RALGAPA1: variants seen among roughly 807,000 people sequenced by gnomAD.
RALGAPA1 encodes the protein Ral GTPase activating protein catalytic subunit alpha 1.
In RALGAPA1, 52 loss-of-function variants were observed where a neutral mutation model predicts 269.6. The observed-to-expected ratio is 0.19, with a 90% confidence interval of 0.15 to 0.24. The LOEUF is 0.24. RALGAPA1 is among the 10% of genes least tolerant of loss of function. The probability of loss-of-function intolerance (pLI) is 1.00; values close to 1 mark genes in which losing one functional copy is unlikely to be tolerated. For missense variants in RALGAPA1, 1,917 were observed against 3,013.9 expected, an observed-to-expected ratio of 0.64 and a Z score of 8.52; for synonymous variants, 817 against 1,008.3, an observed-to-expected ratio of 0.81 and a Z score of 3.60.
At chr14:35,623,206 GA>G (rs1417341868) in intron 35 of RALGAPA1, among the ~76,000 whole-genome samples, 4 of 151,632 alleles carry the variant, frequency 2.6e-5, no homozygotes, top group African/African-American at 9.7e-5. Context: ...AAAATTGAGA[GA>G]AATGATACAT....
intron 37 of RALGAPA1, among the ~76,000 whole-genome samples, chr14:35,573,509 G>A (rs1409781945): frequency 6.6e-6 from 1 of 152,118 alleles, no homozygotes; most frequent in Non-Finnish European, 1.5e-5. Flanking sequence ...CAGGTGGAAA[G>A]GTTTAGAAGA....
chr14:35,659,823 A>G (rs1045325779), intron 27 of RALGAPA1, among the ~76,000 whole-genome samples: 1 of 152,150 alleles, frequency 6.6e-6, no homozygotes, highest in African/African-American at 2.4e-5. Context: ...ATGGTTCAAC[A>G]TATAGAAAGC....
At chr14:35,696,904 A>T (rs2140543685) in intron 17 of RALGAPA1, among the ~76,000 whole-genome samples, 1 of 152,284 alleles carries the variant, frequency 6.6e-6, no homozygotes, top group East Asian at 1.9e-4. Flanking sequence ...TTTCTTATTA[A>T]TTCTCTGCAC....
At chr14:35,789,836 C>G (rs1387473959) in intron 1 of RALGAPA1, among the ~76,000 whole-genome samples, 1 of 152,174 alleles carries the variant, frequency 6.6e-6, no homozygotes, top group Non-Finnish European at 1.5e-5. Context: ...CCACAAAACA[C>G]CAGGGCTTGA....
At chr14:35,567,248 T>A (rs545275912) in intron 39 of RALGAPA1, among the ~76,000 whole-genome samples, 9 of 152,180 alleles carry the variant, frequency 5.9e-5, no homozygotes, top group Admixed American at 2.0e-4. Context: ...AAAAACATGA[T>A]GAAGTAGGCC....
At chr14:35,584,276 T>G (rs2058133665) in intron 37 of RALGAPA1, among the ~76,000 whole-genome samples, 1 of 152,136 alleles carries the variant, frequency 6.6e-6, no homozygotes, top group South Asian at 2.1e-4. Flanking sequence ...AGAATAATTT[T>G]TTTTTTGAGA....
chr14:35,599,725 C>T (rs546245836), intron 36 of RALGAPA1, among the ~76,000 whole-genome samples: 9 of 152,242 alleles, frequency 5.9e-5, no homozygotes, highest in South Asian at 4.1e-4. Flanking sequence ...GCACTCCAGC[C>T]TGAATGACAG....
intron 1 of RALGAPA1, 47 bp from the exon 2 acceptor site, chr14:35,775,792 C>T (rs1248621076): frequency 7.0e-7 from 1 of 1,434,450 alleles, no homozygotes; most frequent in Non-Finnish European, 9.2e-7. Flanking sequence ...TATGTTAAAT[C>T]AAGTTTAGCA....
intron 31 of RALGAPA1, among the ~76,000 whole-genome samples, chr14:35,646,210 G>A (rs555839919): frequency 6.6e-6 from 1 of 152,256 alleles, no homozygotes; most frequent in East Asian, 1.9e-4. Flanking sequence ...TTAATGATTA[G>A]CAAAACCAGT....
At chr14:35,605,304 C>T (rs1217334941) in intron 36 of RALGAPA1, among the ~76,000 whole-genome samples, 4 of 152,110 alleles carry the variant, frequency 2.6e-5, no homozygotes, top group Non-Finnish European at 5.9e-5. Context: ...TTGAAGACCA[C>T]CAGTCCAGTG....
chr14:35,554,582 G>A (rs2055399106), intron 39 of RALGAPA1, among the ~76,000 whole-genome samples: 1 of 151,612 alleles, frequency 6.6e-6, no homozygotes, highest in African/African-American at 2.4e-5. Flanking sequence ...TCCTGACCTC[G>A]TGATCCGCCC....
intron 16 of RALGAPA1, among the ~76,000 whole-genome samples, chr14:35,714,474 T>A (rs1303789342): frequency 6.6e-6 from 1 of 152,192 alleles, no homozygotes; most frequent in African/African-American, 2.4e-5. Context: ...TTTAATTGGG[T>A]TGTCTTTTTA....
chr14:35,588,592 A>G (rs1368861682), intron 37 of RALGAPA1, among the ~76,000 whole-genome samples: 1 of 152,218 alleles, frequency 6.6e-6, no homozygotes, highest in Non-Finnish European at 1.5e-5. Flanking sequence ...GACTATTATC[A>G]AAAAGACAAA....
At chr14:35,642,588 A>G (rs2062098667) in intron 31 of RALGAPA1, among the ~76,000 whole-genome samples, 1 of 152,188 alleles carries the variant, frequency 6.6e-6, no homozygotes, top group Admixed American at 6.5e-5. Flanking sequence ...ACTAAATACA[A>G]TGAGATATCA....
At chr14:35,592,055 T>C (rs1390446875) in intron 37 of RALGAPA1, among the ~76,000 whole-genome samples, 1 of 152,216 alleles carries the variant, frequency 6.6e-6, no homozygotes, top group Non-Finnish European at 1.5e-5. Context: ...TTACACCTCT[T>C]TTGTTTATAA....
chr14:35,672,842 A>C, intron 25 of RALGAPA1, 25 bp downstream of exon 25: 1 of 1,475,750 alleles, frequency 6.8e-7, no homozygotes, highest in South Asian at 1.4e-5. Flanking sequence ...ACTACTTCTT[A>C]GATGATACAT....
intron 35 of RALGAPA1, among the ~76,000 whole-genome samples, chr14:35,623,334 G>A (rs767030572): frequency 6.7e-5 from 10 of 149,516 alleles, no homozygotes; most frequent in Admixed American, 2.0e-4. Flanking sequence ...CACACACACA[G>A]ACATACACAC....
chr14:35,776,112 G>A (rs1031808918), intron 1 of RALGAPA1, among the ~76,000 whole-genome samples: 1 of 152,178 alleles, frequency 6.6e-6, no homozygotes, highest in Non-Finnish European at 1.5e-5. Flanking sequence ...GGCCAGGTAT[G>A]GTGGCTCACG....
chr14:35,612,834 G>A lies in RALGAPA1; in HGVS notation c.6930-7125C>T, dbSNP rs576230454. On this transcript the variant is annotated intron_variant, in intron 35 of 41. Coordinates refer to ENST00000680220, the MANE Select transcript of RALGAPA1 (RefSeq NM_001346249.2). ...ATTACAGGTGTGAGCCACCGTGCCC[G>A]GCCTAGGCAAGGTCTTTTTAAATAC... Among the ~76,000 whole-genome samples the A allele has an allele frequency of 4.3e-4, 66 of 151,748 alleles. 1 individual carries two copies. The South Asian group carries it at 0.011, about 25-fold the overall frequency.
Sources: gnomAD v4.1 joint callset for allele counts (sites outside exome capture counted in the v4.1 genomes callset) on GRCh38, gnomAD v4.1.1 for gene constraint, MANE v1.5 for transcripts, NCBI Gene and HGNC (gene_info 2026-07-23, HGNC 2026-07-21) for gene names.